The following RYR2 variants were observed in gnomAD, a reference collection of about 807,000 sequenced individuals.
The protein encoded by RYR2 is cardiac muscle ryanodine receptor-calcium release channel.
In RYR2, 227 loss-of-function variants were observed where a neutral mutation model predicts 601.1. The ratio of observed to expected loss-of-function variants is 0.38; its 90% CI spans 0.34 to 0.42. RYR2 has a LOEUF of 0.42. Among genes scored for constraint, RYR2 ranks in the 10% least tolerant of loss-of-function variants. The probability of loss-of-function intolerance (pLI) is 1.00; values close to 1 mark genes in which losing one functional copy is unlikely to be tolerated. For missense variants in RYR2, 4,646 were observed against 6,156.5 expected (o/e 0.75, Z 8.21); for synonymous variants, 2,223 against 2,175.1 (o/e 1.02, Z -0.61).
chr1:237,458,715 A>G (rs1033509891), intron 16 of RYR2, among the ~76,000 whole-genome samples: 1 of 149,676 alleles, frequency 6.7e-6, no homozygotes, highest in Non-Finnish European at 1.5e-5. Context: ...ACCTAAGTAT[A>G]GAAAGGAGAT....
intron 1 of RYR2, among the ~76,000 whole-genome samples, chr1:237,258,012 A>G (rs1688157110): frequency 6.6e-6 from 1 of 151,784 alleles, no homozygotes; most frequent in African/African-American, 2.4e-5. Flanking sequence ...AAAAATACAA[A>G]AAAAGATTAG....
intron 1 of RYR2, among the ~76,000 whole-genome samples, chr1:237,260,798 G>A (rs909029210): frequency 6.6e-6 from 1 of 152,156 alleles, no homozygotes; most frequent in Admixed American, 6.5e-5. Context: ...ATCATAGGGA[G>A]TTTGTCATGT....
At chr1:237,554,658 G>A (rs985476820) in intron 27 of RYR2, among the ~76,000 whole-genome samples, 1 of 151,942 alleles carries the variant, frequency 6.6e-6, no homozygotes, top group Non-Finnish European at 1.5e-5. Context: ...CAATGTATTT[G>A]ATAGCTTGAG....
At chr1:237,515,293 A>G (rs1234108186) in intron 24 of RYR2, among the ~76,000 whole-genome samples, 1 of 152,258 alleles carries the variant, frequency 6.6e-6, no homozygotes, top group Admixed American at 6.5e-5. Context: ...CTCACGTTTT[A>G]GAAATAATTG....
Position 237,481,809 on chromosome 1 carries a change from C to CAA in RYR2, c.1709-9972_1709-9971dup, listed in dbSNP as rs553197529. On this transcript the variant is annotated intron_variant, in intron 17 of 104. Transcript: ENST00000366574. ...TTACAGCCTCACCATTGCTGTGTAG[C>CAA]AAAAAAAAAAAAAAAAAAAAAAAAA... 1.1e-3 allele frequency among the ~76,000 whole-genome samples: 53 copies of CAA among 46,854 alleles called. 1 individual carries two copies. Among genetic ancestry groups the CAA allele is most frequent in the South Asian group, 1.8e-3 (2 of 1,142 alleles). 30.7% of individuals were successfully genotyped at this position (46,854 alleles called of 152,430 possible).
chr1:237,309,915 C>T (rs2149486518), intron 2 of RYR2, among the ~76,000 whole-genome samples: 1 of 152,304 alleles, frequency 6.6e-6, no homozygotes, highest in Non-Finnish European at 1.5e-5. Context: ...CAGCCAGCCA[C>T]TCCGAGTGCG....
At chr1:237,821,680 A>C (rs1479469165) in intron 101 of RYR2, among the ~76,000 whole-genome samples, 2 of 152,046 alleles carry the variant, frequency 1.3e-5, no homozygotes, top group Non-Finnish European at 2.9e-5. Context: ...TGAGTTTGAC[A>C]AATTGACAGA....
rs193001082 is a variant in RYR2 at position 237,677,897 on chromosome 1, C to T, written c.8831-151C>T. Reference sequence around the variant, plus strand: ...CATCCTTTTATTTTTAATGACACTGCCAAAGTTTGCCTTTATATTTTTGGT... The same window carrying T: ...CATCCTTTTATTTTTAATGACACTGTCAAAGTTTGCCTTTATATTTTTGGT... On this transcript the variant is annotated intron_variant, in intron 60 of 104. Coordinates refer to ENST00000366574, the MANE Select transcript of RYR2 (RefSeq NM_001035.3). 5.2e-5 allele frequency: 31 copies of T among 596,150 alleles called. No individual in the cohort carries two copies. The South Asian group carries it at 6.7e-4, about 13-fold the overall frequency. 36.9% of individuals were successfully genotyped at this position (596,150 alleles called of 1,614,324 possible).
rs987550579 is a variant in RYR2 at position 237,206,001 on chromosome 1, C to T, written c.49-64496C>T. The stretch of plus-strand genomic sequence containing the variant: ...AGTTCCAGCGGGAGATCCTCTTCCA[C>T]GAGGAAATGGCTCAGGAAGTGTGGA... On this transcript the variant is annotated intron_variant, in intron 1 of 104. Coordinates refer to ENST00000366574, the MANE Select transcript of RYR2 (RefSeq NM_001035.3). 5.3e-5 allele frequency among the ~76,000 whole-genome samples: 8 copies of T among 152,348 alleles called. No homozygotes were observed. The South Asian group carries it at 6.2e-4, about 12-fold the overall frequency.
At chr1:237,822,515 A>G (rs1662623781) in intron 101 of RYR2, among the ~76,000 whole-genome samples, 1 of 152,218 alleles carries the variant, frequency 6.6e-6, no homozygotes, top group Non-Finnish European at 1.5e-5. Flanking sequence ...GTCTTACAAG[A>G]GCTCCTGAAG....
chr1:237,198,075 G>A (rs1680760912), intron 1 of RYR2, among the ~76,000 whole-genome samples: 1 of 152,206 alleles, frequency 6.6e-6, no homozygotes, highest in South Asian at 2.1e-4. Context: ...GGATCAGATG[G>A]GGGGAAATTC....
At chr1:237,168,066 A>G (rs979706071) in intron 1 of RYR2, among the ~76,000 whole-genome samples, 1 of 152,162 alleles carries the variant, frequency 6.6e-6, no homozygotes, top group Non-Finnish European at 1.5e-5. Flanking sequence ...ATTCATTGAG[A>G]TACTGATCTC....
At chr1:237,633,776 A>C in intron 43 of RYR2, 66 bp downstream of exon 43, 1 of 1,469,200 alleles carries the variant, frequency 6.8e-7, no homozygotes, top group Middle Eastern at 2.1e-4. Flanking sequence ...TAAAAAGCAA[A>C]CGTTTTGTTA....
intron 1 of RYR2, among the ~76,000 whole-genome samples, chr1:237,183,089 A>G (rs1427301619): frequency 6.6e-6 from 1 of 152,138 alleles, no homozygotes; most frequent in African/African-American, 2.4e-5. Flanking sequence ...AGGCCCTTCT[A>G]TATTCACCAC....
At chr1:237,770,712 C>A in intron 84 of RYR2, 95 bp from the exon 85 acceptor site, 2 of 769,758 alleles carry the variant, frequency 2.6e-6, no homozygotes, top group Non-Finnish European at 4.5e-6. Context: ...CAGAACAATG[C>A]TAGATCAACA....
chr1:237,524,071 G>T (rs1204328038), intron 24 of RYR2, among the ~76,000 whole-genome samples: 1 of 152,108 alleles, frequency 6.6e-6, no homozygotes, highest in Admixed American at 6.5e-5. Flanking sequence ...CTACTCAAGA[G>T]AAATAAAAGC....
At chr1:237,314,092 T>G (rs1192014990) in intron 2 of RYR2, among the ~76,000 whole-genome samples, 1 of 122,214 alleles carries the variant, frequency 8.2e-6, no homozygotes, top group Admixed American at 1.1e-4. Flanking sequence ...TGAGATGGAG[T>G]CTTGCTCTGT....
chr1:237,444,679 T>G (rs973999898), intron 13 of RYR2, among the ~76,000 whole-genome samples: 3 of 152,208 alleles, frequency 2.0e-5, no homozygotes, highest in Non-Finnish European at 4.4e-5. Context: ...CGTAATGTTT[T>G]CTTTCTTGAG....
At chr1:237,759,071 A>T (rs1197738527) in intron 82 of RYR2, among the ~76,000 whole-genome samples, 1 of 152,066 alleles carries the variant, frequency 6.6e-6, no homozygotes, top group East Asian at 1.9e-4. Context: ...CAACTCTCAG[A>T]TTGTAATGCT....
Sources: gnomAD v4.1 joint callset for allele counts (sites outside exome capture counted in the v4.1 genomes callset) on GRCh38, gnomAD v4.1.1 for gene constraint, MANE v1.5 for transcripts, NCBI Gene and HGNC (gene_info 2026-07-23, HGNC 2026-07-21) for gene names.